ITPK1: variants seen among roughly 807,000 people sequenced by gnomAD.
ITPK1 encodes inositol 1,3,4-trisphosphate 5/6-kinase.
Under a neutral mutation model 45.3 loss-of-function variants are expected in ITPK1, and 21 were observed. That is an observed-to-expected ratio of 0.46 (90% confidence interval 0.33 to 0.67). ITPK1 has a LOEUF of 0.67. ITPK1 is among the 30% of genes least tolerant of loss of function. ITPK1 has a pLI of 0.02. For synonymous variants in ITPK1, 258 were observed against 253.6 expected (o/e 1.02, Z -0.16); for missense variants, 474 against 573.5 (o/e 0.83, Z 1.77).
rs147797048 is a variant in ITPK1 at position 92,990,014 on chromosome 14, C to T, written c.364+3866G>A. On this transcript the variant is annotated intron_variant, in intron 5 of 10. Transcript: ENST00000267615. ...TGTTCTGCCATGGGAAAGTTGGGTCCTCAGGCAGGGACCCATGTCTTGGAA... is the reference window on the plus strand; with the variant it reads ...TGTTCTGCCATGGGAAAGTTGGGTCTTCAGGCAGGGACCCATGTCTTGGAA... Among the ~76,000 whole-genome samples, 53 of 152,298 alleles carry T rather than the reference C, an allele frequency of 3.5e-4. No homozygotes were observed. The East Asian group carries it at 0.01, about 29-fold the overall frequency.
chr14:93,010,320 G>C (rs1349379847), intron 4 of ITPK1, among the ~76,000 whole-genome samples: 1 of 152,176 alleles, frequency 6.6e-6, no homozygotes, highest in African/African-American at 2.4e-5. Flanking sequence ...CTGTGCTGGC[G>C]ACTGCTCAAT....
chr14:92,987,446 G>A (rs1286770998), intron 5 of ITPK1, among the ~76,000 whole-genome samples: 1 of 152,180 alleles, frequency 6.6e-6, no homozygotes, highest in Non-Finnish European at 1.5e-5. Context: ...GGTCCTGGGG[G>A]CTGACAGGGT....
chr14:93,043,987 C>A (rs1370471167), intron 3 of ITPK1, among the ~76,000 whole-genome samples: 1 of 152,224 alleles, frequency 6.6e-6, no homozygotes, highest in South Asian at 2.1e-4. Flanking sequence ...TCAAATCCAA[C>A]CATTCTGGAA....
intron 2 of ITPK1, among the ~76,000 whole-genome samples, chr14:93,085,987 C>A (rs1396037584): frequency 1.3e-5 from 2 of 152,058 alleles, no homozygotes; most frequent in African/African-American, 4.8e-5. Flanking sequence ...GCTACCCCCA[C>A]TCCCCCTCCT....
chr14:92,953,548 C>T (rs1254204201), intron 8 of ITPK1, among the ~76,000 whole-genome samples: 18 of 152,248 alleles, frequency 1.2e-4, no homozygotes, highest in Admixed American at 1.2e-3. Context: ...CATCCTGTAG[C>T]CCAGCCTGGC....
At chr14:93,000,341 C>A (rs1432126212) in intron 4 of ITPK1, among the ~76,000 whole-genome samples, 1 of 152,200 alleles carries the variant, frequency 6.6e-6, no homozygotes, top group Non-Finnish European at 1.5e-5. Context: ...AATGATCCAC[C>A]ACAGTATACA....
intron 3 of ITPK1, among the ~76,000 whole-genome samples, chr14:93,020,083 C>T (rs918307950): frequency 3.9e-5 from 6 of 152,190 alleles, no homozygotes; most frequent in African/African-American, 1.4e-4. Context: ...ATGCTGGATC[C>T]TGCTCTGTGT....
chr14:93,009,619 C>T (rs1467443449), intron 4 of ITPK1, among the ~76,000 whole-genome samples: 1 of 152,216 alleles, frequency 6.6e-6, no homozygotes, highest in Non-Finnish European at 1.5e-5. Context: ...GTCTCCACCA[C>T]AGGAGGAGTC....
At chr14:92,953,259 G>A (rs541853294) in intron 8 of ITPK1, among the ~76,000 whole-genome samples, 4 of 152,262 alleles carry the variant, frequency 2.6e-5, no homozygotes, top group African/African-American at 9.6e-5. Context: ...CGTCCCTCCC[G>A]CTAGCGGGGC....
intron 2 of ITPK1, among the ~76,000 whole-genome samples, chr14:93,093,893 AGGGCAAAGCCCAAGCGTGT>A: frequency 6.6e-6 from 1 of 152,188 alleles, no homozygotes; most frequent in African/African-American, 2.4e-5. Flanking sequence ...CCCAGCCTTC[AGGGCAAAGCCCAAGCGTGT>A]ACAATGATGG....
chr14:92,991,010 AG>A (rs908502345), intron 5 of ITPK1, among the ~76,000 whole-genome samples: 3 of 146,072 alleles, frequency 2.1e-5, no homozygotes, highest in East Asian at 2.2e-4. Context: ...CTGCCGGGGC[AG>A]GGGGGGTGAC....
At chr14:93,068,020 AT>A (rs1302629192) in intron 3 of ITPK1, 1,716 of 144,374 alleles carry the variant, frequency 0.012, 12 homozygotes, top group Non-Finnish European at 0.017. Context: ...AAAAAAAAAA[AT>A]ACTATATTCT....
intron 3 of ITPK1, among the ~76,000 whole-genome samples, chr14:93,073,759 C>T (rs1290064007): frequency 6.6e-6 from 1 of 152,212 alleles, no homozygotes; most frequent in Non-Finnish European, 1.5e-5. Flanking sequence ...GACAGACCTG[C>T]ACTCAAATCC....
intron 3 of ITPK1, among the ~76,000 whole-genome samples, chr14:93,051,545 G>A (rs1890006809): frequency 7.8e-6 from 1 of 127,712 alleles, no homozygotes; most frequent in Non-Finnish European, 1.8e-5. Flanking sequence ...GAGCCTGGGA[G>A]GCGGAGATTG....
rs574404606 is a variant in ITPK1, at chr14:92,968,329, C to CA, written c.365-5481dup. Among the ~76,000 whole-genome samples, 91 of 144,842 alleles carry CA rather than the reference C, an allele frequency of 6.3e-4. 1 individual carries two copies. The highest frequency in any genetic ancestry group is 5.5e-3 in the South Asian group (25 of 4,582). On this transcript the variant is annotated intron_variant, in intron 5 of 10. Transcript: ENST00000267615. ...CTGGTAACAGAGCGAGACTCTGTCT[C>CA]AAAAAAAAAATAGAAAGGTAAATGT... is the stretch of plus-strand genomic sequence containing the variant.
chr14:93,016,145 C>A lies in ITPK1; in HGVS notation c.246+531G>T, dbSNP rs1047177511. On this transcript the variant is annotated intron_variant, in intron 4 of 10. Transcript: ENST00000267615. The surrounding 1 kb of genome is among the most constrained non-coding windows in gnomAD (Gnocchi z 5.0). ...CACTGTGCGATCAGGACCTGGGAGG[C>A]CGCTGGGGAAGTGGTGTGGGGAGAG... Among the ~76,000 whole-genome samples, 1 of 152,136 alleles carries A rather than the reference C, an allele frequency of 6.6e-6. No homozygotes were observed. Among genetic ancestry groups the A allele is most frequent in the Non-Finnish European group, 1.5e-5 (1 of 68,016 alleles).
rs1415180146 is a variant in ITPK1 at position 93,016,061 on chromosome 14, C to T, written c.246+615G>A. Among the ~76,000 whole-genome samples the T allele has an allele frequency of 2.0e-5, 3 of 152,184 alleles. No homozygotes were observed. The South Asian group carries it at 6.2e-4, about 31-fold the overall frequency. ...GACAGAATCACGTTCTTGTCCACAA[C>T]AGAGAGAACACAGGACAAGTCAGTA... On this transcript the variant is annotated intron_variant, in intron 4 of 10. Coordinates refer to ENST00000267615, the MANE Select transcript of ITPK1 (RefSeq NM_014216.6). The surrounding 1 kb of genome is among the most constrained non-coding windows in gnomAD (Gnocchi z 5.0).
At chr14:93,023,296 T>G (rs574530220) in intron 3 of ITPK1, among the ~76,000 whole-genome samples, 3 of 152,356 alleles carry the variant, frequency 2.0e-5, no homozygotes, top group African/African-American at 7.2e-5. Flanking sequence ...ACATGCCGTT[T>G]CCTGGGCAGA....
At chr14:92,990,725 G>A (rs1886737544) in intron 5 of ITPK1, among the ~76,000 whole-genome samples, 1 of 152,218 alleles carries the variant, frequency 6.6e-6, no homozygotes, top group South Asian at 2.1e-4. Flanking sequence ...CAGAGCTGGG[G>A]TGGGAGAGGC....
Sources: gnomAD v4.1 joint callset for allele counts (sites outside exome capture counted in the v4.1 genomes callset) on GRCh38, gnomAD v4.1.1 for gene constraint, Gnocchi (gnomAD v3.1) non-coding constraint, MANE v1.5 for transcripts, NCBI Gene and HGNC (gene_info 2026-07-23, HGNC 2026-07-21) for gene names.